The following DNAJC1 variants were observed in gnomAD, a reference collection of about 807,000 sequenced individuals.
DNAJC1 encodes DnaJ heat shock protein family (Hsp40) member C1.
In DNAJC1, 58 loss-of-function variants were observed where a neutral mutation model predicts 76.6. The observed-to-expected ratio is 0.76, with a 90% confidence interval of 0.61 to 0.94. The LOEUF (loss-of-function observed/expected upper bound fraction) is 0.94, where lower values mean the gene tolerates loss of function less well. Among genes scored for constraint, DNAJC1 ranks in the 40% least tolerant of loss-of-function variants. The pLI is 0.00. For synonymous variants in DNAJC1, 258 were observed against 267.9 expected (o/e 0.96, Z 0.36); for missense variants, 689 against 677.3 (o/e 1.02, Z -0.19).
chr10:21,953,079 A>G (rs1837624101), intron 1 of DNAJC1, among the ~76,000 whole-genome samples: 1 of 152,164 alleles, frequency 6.6e-6, no homozygotes, highest in African/African-American at 2.4e-5. Context: ...TGACTGTAAA[A>G]GGAAAACATT....
At chr10:21,914,446 C>T (rs1836919523) in intron 6 of DNAJC1, among the ~76,000 whole-genome samples, 1 of 152,150 alleles carries the variant, frequency 6.6e-6, no homozygotes, top group African/African-American at 2.4e-5. Context: ...ATTTCACAGT[C>T]CTTATGTACT....
chr10:21,792,981 C>T (rs1690832705), intron 9 of DNAJC1, among the ~76,000 whole-genome samples: 1 of 151,910 alleles, frequency 6.6e-6, no homozygotes, highest in Admixed American at 6.5e-5. Flanking sequence ...AATGCTCAAG[C>T]TAGAAATAGA....
chr10:21,831,765 G>A (rs1242985012), intron 8 of DNAJC1, among the ~76,000 whole-genome samples: 1 of 149,350 alleles, frequency 6.7e-6, no homozygotes, highest in Non-Finnish European at 1.5e-5. Context: ...ACTCCAGCCT[G>A]GGCGACAGAG....
chr10:21,787,831 G>T (rs530376940), intron 9 of DNAJC1, among the ~76,000 whole-genome samples: 2 of 152,212 alleles, frequency 1.3e-5, no homozygotes, highest in African/African-American at 4.8e-5. Flanking sequence ...TGAGGGAGCT[G>T]CCAAGAAGCT....
At chr10:21,845,809 T>C (rs1835648850) in intron 8 of DNAJC1, among the ~76,000 whole-genome samples, 1 of 152,162 alleles carries the variant, frequency 6.6e-6, no homozygotes, top group African/African-American at 2.4e-5. Context: ...ATCAAGCATG[T>C]ACATAAAATA....
At chr10:21,940,344 A>G (rs994748389) in intron 1 of DNAJC1, among the ~76,000 whole-genome samples, 3 of 152,202 alleles carry the variant, frequency 2.0e-5, no homozygotes, top group African/African-American at 7.2e-5. Flanking sequence ...TCACTGTTAA[A>G]GTCAACTGCC....
At position 21,866,486 on chromosome 10, in the gene DNAJC1, T is replaced by G. The variant is rs749566752; in HGVS notation, c.978+15796A>C. On this transcript the variant is annotated intron_variant, in intron 8 of 11. Transcript: ENST00000376980. ...CACTTTATATAGTAAAAGCTTTGAT[T>G]CACCAAAGATATAAAAATGTGAAAT... 1.4e-3 allele frequency among the ~76,000 whole-genome samples: 209 copies of G among 152,060 alleles called. 1 individual carries two copies. The highest frequency in any genetic ancestry group is 2.0e-3 in the Non-Finnish European group (139 of 68,022).
At chr10:21,934,661 C>T (rs1341012745) in intron 1 of DNAJC1, among the ~76,000 whole-genome samples, 1 of 152,162 alleles carries the variant, frequency 6.6e-6, no homozygotes, top group Non-Finnish European at 1.5e-5. Flanking sequence ...AGTACAGTAA[C>T]ATGCTACACA....
At chr10:21,913,510 C>T (rs753052387) in intron 6 of DNAJC1, among the ~76,000 whole-genome samples, 1 of 151,874 alleles carries the variant, frequency 6.6e-6, no homozygotes, top group African/African-American at 2.4e-5. Context: ...GAAACAGTTG[C>T]GAAAATAAAC....
chr10:21,819,177 G>C (rs1274899925), intron 8 of DNAJC1, among the ~76,000 whole-genome samples: 1 of 152,190 alleles, frequency 6.6e-6, no homozygotes, highest in African/African-American at 2.4e-5. Flanking sequence ...GCCAAGGCAG[G>C]TGATCACGAG....
At chr10:21,782,782 CA>C (rs1280192856) in intron 9 of DNAJC1, among the ~76,000 whole-genome samples, 1 of 152,134 alleles carries the variant, frequency 6.6e-6, no homozygotes, top group Non-Finnish European at 1.5e-5. Context: ...ATCATATAAA[CA>C]GAACCAAAGA....
At position 21,928,204 on chromosome 10, in the gene DNAJC1, T is replaced by C. The variant is rs370931170; in HGVS notation, c.371+302A>G. On this transcript the variant is annotated intron_variant, in intron 3 of 11. Coordinates refer to ENST00000376980, the MANE Select transcript of DNAJC1 (RefSeq NM_022365.4). ...GGAAGGAATGGACATTTATTTGAAT[T>C]CAGGCAGTATTTGTATCTCCCAGGG... is the stretch of plus-strand genomic sequence containing the variant. Among the ~76,000 whole-genome samples the C allele has an allele frequency of 2.6e-5, 4 of 152,262 alleles. No homozygotes were observed. The East Asian group carries it at 7.7e-4, about 29-fold the overall frequency.
chr10:21,881,523 C>T (rs1440569127), intron 8 of DNAJC1, among the ~76,000 whole-genome samples: 1 of 151,890 alleles, frequency 6.6e-6, no homozygotes, highest in Non-Finnish European at 1.5e-5. Context: ...ACTGCTGTGC[C>T]TTAGGGAGTA....
intron 8 of DNAJC1, among the ~76,000 whole-genome samples, chr10:21,868,425 A>G (rs1254115435): frequency 1.3e-5 from 2 of 151,988 alleles, no homozygotes; most frequent in Non-Finnish European, 2.9e-5. Context: ...GCCCGGCCAA[A>G]AATATTCTTA....
At chr10:21,939,722 C>T (rs1837372175) in intron 1 of DNAJC1, among the ~76,000 whole-genome samples, 3 of 152,028 alleles carry the variant, frequency 2.0e-5, no homozygotes, top group Non-Finnish European at 4.4e-5. Context: ...TACAAAATTG[C>T]CTAACGATGC....
At chr10:21,891,912 T>C (rs1175532954) in intron 7 of DNAJC1, among the ~76,000 whole-genome samples, 2 of 152,082 alleles carry the variant, frequency 1.3e-5, no homozygotes, top group Non-Finnish European at 2.9e-5. Flanking sequence ...GTAAACGCAA[T>C]AGACTTTCCT....
chr10:21,893,576 G>A (rs552644251), intron 7 of DNAJC1, among the ~76,000 whole-genome samples: 58 of 151,100 alleles, frequency 3.8e-4, no homozygotes, highest in African/African-American at 1.3e-3. Context: ...GCAGTGAGCC[G>A]AGATCACACC....
intron 10 of DNAJC1, among the ~76,000 whole-genome samples, chr10:21,759,966 A>AT (rs1210299363): frequency 1.3e-5 from 2 of 152,234 alleles, no homozygotes; most frequent in Admixed American, 1.3e-4. Context: ...GCTACTCAGT[A>AT]TAAGAAAGGA....
At chr10:21,873,083 G>A (rs934800627) in intron 8 of DNAJC1, among the ~76,000 whole-genome samples, 3 of 152,122 alleles carry the variant, frequency 2.0e-5, no homozygotes, top group African/African-American at 7.2e-5. Flanking sequence ...AATAACCGGT[G>A]CACGCATCCC....
Sources: allele counts gnomAD v4.1 joint callset (sites outside exome capture counted in the v4.1 genomes callset), GRCh38; gene constraint gnomAD v4.1.1; transcripts MANE v1.5; gene names NCBI Gene and HGNC (gene_info 2026-07-23, HGNC 2026-07-21).